FBXO34: variants seen among roughly 807,000 people sequenced by gnomAD.
The protein encoded by FBXO34 is F-box protein 34.
In FBXO34, 12 loss-of-function variants were observed where a neutral mutation model predicts 24.5. That is an observed-to-expected ratio of 0.49 (90% CI 0.31 to 0.79). The LOEUF (loss-of-function observed/expected upper bound fraction) is 0.79. FBXO34 is among the 30% of genes least tolerant of loss of function. The pLI is 0.04. For synonymous variants in FBXO34, 320 were observed against 311.9 expected, an observed-to-expected ratio of 1.03 and a Z score of -0.27; for missense variants, 823 against 857.7, an observed-to-expected ratio of 0.96 and a Z score of 0.51.
At chr14:55,420,056 C>T in the FBXO34 span, among the ~76,000 whole-genome samples, 1 of 152,052 alleles carries the variant, frequency 6.6e-6, no homozygotes, top group Non-Finnish European at 1.5e-5. Flanking sequence ...GAAATTAGGC[C>T]CTTAAGGTTT....
At chr14:55,434,807 G>T in the FBXO34 span, among the ~76,000 whole-genome samples, 2 of 152,196 alleles carry the variant, frequency 1.3e-5, no homozygotes, top group South Asian at 4.1e-4. Flanking sequence ...ACAAATAATA[G>T]TTGATGCCTG....
At chr14:55,343,391 C>T (rs756426283) in intron 1 of FBXO34, among the ~76,000 whole-genome samples, 21 of 152,028 alleles carry the variant, frequency 1.4e-4, no homozygotes, top group Non-Finnish European at 2.6e-4. Flanking sequence ...GCTGGGATTA[C>T]AGGCGCATGC....
intron 1 of FBXO34, among the ~76,000 whole-genome samples, chr14:55,337,832 C>T (rs1024651746): frequency 2.0e-5 from 3 of 152,146 alleles, no homozygotes; most frequent in African/African-American, 7.2e-5. Flanking sequence ...ACTCCACTTA[C>T]CACTTGAAGA....
At chr14:55,383,173 A>G in the FBXO34 span, among the ~76,000 whole-genome samples, 1 of 152,178 alleles carries the variant, frequency 6.6e-6, no homozygotes, top group Non-Finnish European at 1.5e-5. Context: ...ATGCCATCAT[A>G]TGCCACAGCC....
intron 1 of FBXO34, among the ~76,000 whole-genome samples, chr14:55,305,243 C>A (rs889599869): frequency 6.6e-6 from 1 of 151,966 alleles, no homozygotes; most frequent in African/African-American, 2.4e-5. Context: ...GAAACCCTGT[C>A]TCTACTAAAA....
At chr14:55,320,247 G>A (rs1290238464) in intron 1 of FBXO34, among the ~76,000 whole-genome samples, 3 of 152,124 alleles carry the variant, frequency 2.0e-5, no homozygotes, top group African/African-American at 7.2e-5. Context: ...ATTATGATAG[G>A]TTTATGATAA....
chr14:55,286,921 T>A (rs1881782542), intron 1 of FBXO34, among the ~76,000 whole-genome samples: 1 of 150,986 alleles, frequency 6.6e-6, no homozygotes, highest in African/African-American at 2.4e-5. Flanking sequence ...TTTTTTTTTT[T>A]TTTTTGAGAC....
the FBXO34 span, among the ~76,000 whole-genome samples, chr14:55,415,995 CAT>C: frequency 1.3e-5 from 2 of 152,078 alleles, no homozygotes; most frequent in African/African-American, 4.8e-5. Context: ...TGAAAAGTCA[CAT>C]GTTATAAGAT....
the FBXO34 span, chr14:55,414,178 G>T: frequency 1.9e-6 from 1 of 529,282 alleles, no homozygotes; most frequent in Non-Finnish European, 3.4e-6. Context: ...ATGTTTACTT[G>T]TTCAGTTTTT....
intron 1 of FBXO34, among the ~76,000 whole-genome samples, chr14:55,323,800 A>C (rs1348411606): frequency 3.3e-5 from 5 of 152,154 alleles, no homozygotes; most frequent in Non-Finnish European, 4.4e-5. Context: ...TTTGAGGTTC[A>C]GTTTATTGAA....
intron 1 of FBXO34, among the ~76,000 whole-genome samples, chr14:55,346,676 T>G (rs8006525): frequency 0.56 from 84,802 of 152,022 alleles, 26,684 homozygotes; most frequent in African/African-American, 0.87. Context: ...AGCTGGGAAG[T>G]CTATGTCAAA....
chr14:55,339,404 G>GCTAAA (rs1235302904), intron 1 of FBXO34: 2 of 131,888 alleles, frequency 1.5e-5, no homozygotes, highest in African/African-American at 6.2e-5. Context: ...CTGGATCTAT[G>GCTAAA]CTAACCTGGT....
At chr14:55,305,413 CAAA>C (rs200938451) in intron 1 of FBXO34, among the ~76,000 whole-genome samples, 13 of 84,494 alleles carry the variant, frequency 1.5e-4, no homozygotes, top group African/African-American at 2.5e-4. Flanking sequence ...GACTGCATCT[CAAA>C]AAAAAAAAAA....
At chr14:55,312,555 C>A (rs1038363401) in intron 1 of FBXO34, among the ~76,000 whole-genome samples, 1 of 152,226 alleles carries the variant, frequency 6.6e-6, no homozygotes, top group Non-Finnish European at 1.5e-5. Context: ...GAGGGCTCCA[C>A]CCTGCAGCAA....
At chr14:55,428,117 A>ATTTTT in the FBXO34 span, among the ~76,000 whole-genome samples, 2 of 48,332 alleles carry the variant, frequency 4.1e-5, no homozygotes, top group African/African-American at 7.1e-5. Context: ...CACATGCCTT[A>ATTTTT]TCTTTTTTTT....
At chr14:55,353,687 AT>A (rs1324210749), downstream of FBXO34, 1 of 166,418 alleles carries the variant, frequency 6.0e-6, no homozygotes, top group Admixed American at 6.5e-5. Flanking sequence ...AATCATAAGA[AT>A]TTTTTAAATT....
intron 1 of FBXO34, among the ~76,000 whole-genome samples, chr14:55,296,382 GTTTTTTTTGTTTTTTTTT>G (rs1178270589): frequency 1.0e-5 from 1 of 95,784 alleles, no homozygotes; most frequent in Non-Finnish European, 2.1e-5. Context: ...CTGTTCTTGT[GTTTTTTTTGTTTTTTTTT>G]TTTTTTTTTT....
At chr14:55,426,003 C>T in the FBXO34 span, among the ~76,000 whole-genome samples, 2 of 152,108 alleles carry the variant, frequency 1.3e-5, no homozygotes, top group African/African-American at 2.4e-5. Flanking sequence ...TGCGGTGGCT[C>T]ACACCTGTAA....
chr14:55,430,398 TAAAAAAAAAAA>T, the FBXO34 span, among the ~76,000 whole-genome samples: 1 of 119,828 alleles, frequency 8.3e-6, no homozygotes, highest in Non-Finnish European at 1.7e-5. Flanking sequence ...TCACCCACTT[TAAAAAAAAAAA>T]AAAAAAAAAA....
Sources: gnomAD v4.1 joint callset for allele counts (sites outside exome capture counted in the v4.1 genomes callset) on GRCh38, gnomAD v4.1.1 for gene constraint, MANE v1.5 for transcripts, NCBI Gene and HGNC (gene_info 2026-07-23, HGNC 2026-07-21) for gene names.